The following DNM2 variants were observed in gnomAD, a reference collection of about 807,000 sequenced individuals.
DNM2 encodes dynamin 2.
DNM2 carries 15 observed loss-of-function variants against 99.0 expected under a neutral mutation model. That is an observed-to-expected ratio of 0.15 (90% CI 0.10 to 0.23). The LOEUF (loss-of-function observed/expected upper bound fraction) is 0.23, where lower values mean the gene tolerates loss of function less well. Among genes scored for constraint, DNM2 ranks in the 10% least tolerant of loss-of-function variants. The pLI, the probability that DNM2 is intolerant of heterozygous loss-of-function variation, is 1.00. For synonymous variants in DNM2, 525 were observed against 481.2 expected (o/e 1.09, Z -1.19); for missense variants, 742 against 1,189.4 (o/e 0.62, Z 5.53).
rs1415008623 is a variant in DNM2 at position 10,818,012 on chromosome 19, G to A, written c.1672-1968G>A. On this transcript the variant is annotated intron_variant, in intron 15 of 20. Coordinates refer to ENST00000389253, the MANE Select transcript of DNM2 (RefSeq NM_001005361.3). This position sits in a 1 kb window ranked among gnomAD's most constrained non-coding sequence, Gnocchi z 4.3. ...GGGCAGCAAAGGCCCTTGGGCAAAC[G>A]TCCGAGCCGGGGGCAGGGCTTCTGC... Among the ~76,000 whole-genome samples, 1 of 152,072 alleles carries A rather than the reference G, an allele frequency of 6.6e-6. No individual in the cohort carries two copies. Among genetic ancestry groups the A allele is most frequent in the Non-Finnish European group, 1.5e-5 (1 of 67,994 alleles).
chr19:10,776,231 C>T (rs1490741016), intron 4 of DNM2, among the ~76,000 whole-genome samples: 2 of 152,216 alleles, frequency 1.3e-5, no homozygotes, highest in Non-Finnish European at 2.9e-5. Context: ...TTACTCTGCT[C>T]CCTGAGACAT....
intron 11 of DNM2, among the ~76,000 whole-genome samples, chr19:10,799,757 C>T (rs1007596945): frequency 6.6e-6 from 1 of 152,052 alleles, no homozygotes; most frequent in Non-Finnish European, 1.5e-5. Flanking sequence ...TGGTCTTGAA[C>T]TCCTGACCTC....
At position 10,811,762 on chromosome 19, in the gene DNM2, C is replaced by T. The variant is rs533964090; in HGVS notation, c.1558-502C>T. 1.9e-6 allele frequency: 1 copy of T among 518,748 alleles called. No individual in the cohort carries two copies. Among genetic ancestry groups the T allele is most frequent in the Admixed American group, 1.9e-5 (1 of 51,584 alleles). 32.1% of individuals were successfully genotyped at this position (518,748 alleles called of 1,614,324 possible). On this transcript the variant is annotated intron_variant, in intron 14 of 20. Transcript: ENST00000389253. The surrounding 1 kb of genome is among the most constrained non-coding windows in gnomAD (Gnocchi z 5.4). ...CCATGGGGTCTCCCAGCCTGAAACCCTGATGTGTCAGTCAAAAGGATGACC... is the reference window on the plus strand; with the variant it reads ...CCATGGGGTCTCCCAGCCTGAAACCTTGATGTGTCAGTCAAAAGGATGACC...
chr19:10,741,912 A>C (rs370479552), intron 1 of DNM2, among the ~76,000 whole-genome samples: 11 of 134,904 alleles, frequency 8.2e-5, no homozygotes, highest in African/African-American at 2.9e-5. Flanking sequence ...CTTCCTCTTT[A>C]CCTTCCTCTT....
At chr19:10,743,613 A>G (rs945044571) in intron 1 of DNM2, among the ~76,000 whole-genome samples, 5 of 151,754 alleles carry the variant, frequency 3.3e-5, no homozygotes, top group African/African-American at 9.7e-5. Context: ...GATCGAGACC[A>G]TCCTGGCTAA....
At chr19:10,720,462 C>T (rs902254786) in intron 1 of DNM2, among the ~76,000 whole-genome samples, 2 of 152,114 alleles carry the variant, frequency 1.3e-5, no homozygotes, top group African/African-American at 4.8e-5. Context: ...ATCCTCATGC[C>T]TTGGCCTCCC....
chr19:10,728,882 G>A (rs1388002377), intron 1 of DNM2, among the ~76,000 whole-genome samples: 4 of 151,870 alleles, frequency 2.6e-5, no homozygotes, highest in Non-Finnish European at 5.9e-5. Flanking sequence ...AGGAATTCGA[G>A]GTTGCATTGA....
At chr19:10,782,215 G>A (rs929918871) in intron 5 of DNM2, among the ~76,000 whole-genome samples, 2 of 152,070 alleles carry the variant, frequency 1.3e-5, no homozygotes, top group Middle Eastern at 3.4e-3. Flanking sequence ...GTATATTTTT[G>A]TAGAGATGGG....
chr19:10,770,617 AG>A (rs2070942561), intron 2 of DNM2, among the ~76,000 whole-genome samples: 1 of 152,190 alleles, frequency 6.6e-6, no homozygotes, highest in African/African-American at 2.4e-5. Context: ...ATGGAGTTAC[AG>A]TTCCACACAG....
rs2071723393 is a variant in DNM2, at chr19:10,790,688, G to A, written c.993-3032G>A. Reference sequence around the variant, plus strand: ...TCACCATGTTGGCCAGGCTGGTGTCGAACTCCTGACCTTAGGTGATCTGCC... The same window carrying A: ...TCACCATGTTGGCCAGGCTGGTGTCAAACTCCTGACCTTAGGTGATCTGCC... On this transcript the variant is annotated intron_variant, in intron 7 of 20. Transcript: ENST00000389253. Among the ~76,000 whole-genome samples, 4 of 152,020 alleles carry A rather than the reference G, an allele frequency of 2.6e-5. 1 individual carries two copies. The highest frequency in any genetic ancestry group is 4.1e-4 in the South Asian group (2 of 4,824).
chr19:10,779,963 G>GT (rs909707301), intron 5 of DNM2, among the ~76,000 whole-genome samples: 13 of 151,970 alleles, frequency 8.6e-5, no homozygotes, highest in Non-Finnish European at 1.5e-4. Context: ...CTTCTTTTGT[G>GT]TTTTTTTAAA....
chr19:10,782,876 C>G, intron 5 of DNM2, 84 bp from the exon 6 acceptor site: 1 of 1,588,890 alleles, frequency 6.3e-7, no homozygotes, highest in South Asian at 1.1e-5. Flanking sequence ...GGATCCATCT[C>G]TATACTTGAA....
chr19:10,738,810 C>A (rs1043660856), intron 1 of DNM2, among the ~76,000 whole-genome samples: 1 of 149,736 alleles, frequency 6.7e-6, no homozygotes, highest in Non-Finnish European at 1.5e-5. Context: ...GCAGAGGTTG[C>A]TGTGAGCTGA....
At chr19:10,746,239 G>A (rs2069962768) in intron 1 of DNM2, among the ~76,000 whole-genome samples, 1 of 152,068 alleles carries the variant, frequency 6.6e-6, no homozygotes, top group African/African-American at 2.4e-5. Context: ...GGCATTACAG[G>A]TGTGAGCTAC....
In DNM2 at chr19:10,764,171, G is replaced by C. The variant is rs2070723237; in HGVS notation, c.235+4360G>C. On this transcript the variant is annotated intron_variant, in intron 2 of 20. Transcript: ENST00000389253. The surrounding 1 kb of genome is among the most constrained non-coding windows in gnomAD (Gnocchi z 4.1). ...CTCTCTGTGACCAAACTCAGAACCA[G>C]GCTGCCACCCTTTACTGGCCCGGGA... Among the ~76,000 whole-genome samples, 1 of 152,140 alleles carries C rather than the reference G, an allele frequency of 6.6e-6. No individual in the cohort carries two copies. The highest frequency in any genetic ancestry group is 1.5e-5 in the Non-Finnish European group (1 of 68,012).
chr19:10,775,842 G>C lies in DNM2; in HGVS notation c.525G>C (p.Thr175=). 6.2e-7 allele frequency: 1 copy of C among 1,613,892 alleles called. No homozygotes were observed. The highest frequency in any genetic ancestry group is 8.5e-7 in the Non-Finnish European group (1 of 1,180,024). The part of the protein sequence containing the change: ...SRESSLILAV[T]PANMDLANSD... The stretch of plus-strand genomic sequence containing the variant: ...AGAGCAGCCTCATTCTGGCTGTCAC[G>C]CCCGCCAACATGGACCTGGCCAACT... The change falls in exon 4 of 21, where the codon ACG becomes ACC. Residue 175 remains threonine (T), a synonymous_variant. Coordinates refer to ENST00000389253, the MANE Select transcript of DNM2 (RefSeq NM_001005361.3). This position sits in a 1 kb window ranked among gnomAD's most constrained non-coding sequence, Gnocchi z 4.3.
At chr19:10,805,731 A>G (rs578030448) in intron 12 of DNM2, among the ~76,000 whole-genome samples, 185 bp from the exon 13 acceptor site, 3 of 152,128 alleles carry the variant, frequency 2.0e-5, no homozygotes, top group South Asian at 2.1e-4. Context: ...AACCAGATAC[A>G]TTTACTTGTT....
intron 1 of DNM2, among the ~76,000 whole-genome samples, chr19:10,742,463 T>G (rs932769613): frequency 6.6e-6 from 1 of 152,134 alleles, no homozygotes; most frequent in African/African-American, 2.4e-5. Flanking sequence ...AACCCCATAG[T>G]GTAGGTGCTG....
At position 10,811,545 on chromosome 19, in the gene DNM2, G is replaced by T. The variant is rs1031311288; in HGVS notation, c.1558-719G>T. The T allele has an allele frequency of 5.3e-6, 2 of 376,496 alleles. No individual in the cohort carries two copies. The highest frequency in any genetic ancestry group is 5.3e-6 in the Non-Finnish European group (1 of 188,912). 23.3% of individuals were successfully genotyped at this position (376,496 alleles called of 1,614,324 possible). ...CCCAGGCCGCCCTGTGCGTGCCTCC[G>T]TGTGCTTCCTGCAGCTCCCAGGGCC... On this transcript the variant is annotated intron_variant, in intron 14 of 20. Transcript: ENST00000389253. This position sits in a 1 kb window ranked among gnomAD's most constrained non-coding sequence, Gnocchi z 5.4.
Sources: gnomAD v4.1 joint callset for allele counts (sites outside exome capture counted in the v4.1 genomes callset) on GRCh38, gnomAD v4.1.1 for gene constraint, Gnocchi (gnomAD v3.1) non-coding constraint, MANE v1.5 for transcripts, NCBI Gene and HGNC (gene_info 2026-07-23, HGNC 2026-07-21) for gene names.